Variants in MCTP1 observed in about 807,000 individuals in gnomAD.
MCTP1 encodes multiple C2 and transmembrane domain containing 1, also known as multiple C2 and transmembrane domain-containing protein 1.
A neutral mutation model predicts 120.6 loss-of-function variants in MCTP1; 69 were observed. The observed-to-expected ratio is 0.57, with a 90% CI of 0.47 to 0.70. The LOEUF (loss-of-function observed/expected upper bound fraction) is 0.70, where lower values mean the gene tolerates loss of function less well. Ranked by LOEUF, MCTP1 falls within the 30% of genes least tolerant of loss-of-function variation. The pLI, the probability that MCTP1 is intolerant of heterozygous loss-of-function variation, is 0.00. For missense variants in MCTP1, 1,203 were observed against 1,248.8 expected, an observed-to-expected ratio of 0.96 and a Z score of 0.55; for synonymous variants, 529 against 493.1, an observed-to-expected ratio of 1.07 and a Z score of -0.96.
chr5:94,883,150 A>T (rs1047697362), intron 12 of MCTP1, among the ~76,000 whole-genome samples: 1 of 152,190 alleles, frequency 6.6e-6, no homozygotes, highest in Non-Finnish European at 1.5e-5. Context: ...TTATTTGTTT[A>T]GGCTCATTCT....
chr5:95,035,398 T>A (rs1234536837), intron 1 of MCTP1, among the ~76,000 whole-genome samples: 3 of 152,030 alleles, frequency 2.0e-5, no homozygotes, highest in African/African-American at 7.2e-5. Flanking sequence ...ATAAAAAGAA[T>A]GAAACCATGT....
chr5:95,013,297 C>T (rs1836398086), intron 2 of MCTP1, among the ~76,000 whole-genome samples: 1 of 152,082 alleles, frequency 6.6e-6, no homozygotes, highest in African/African-American at 2.4e-5. Context: ...GAGCAAGGAG[C>T]TGCCACAAGT....
chr5:94,970,985 G>C (rs933329181), intron 2 of MCTP1, among the ~76,000 whole-genome samples: 6 of 151,868 alleles, frequency 4.0e-5, no homozygotes, highest in Admixed American at 2.6e-4. Context: ...GTCACACTGG[G>C]TATTATTAAT....
intron 1 of MCTP1, among the ~76,000 whole-genome samples, chr5:95,180,698 A>G (rs116950648): frequency 6.6e-6 from 1 of 152,112 alleles, no homozygotes; most frequent in East Asian, 1.9e-4. Flanking sequence ...TTATATATCA[A>G]TGACTCCCAA....
chr5:95,282,651 C>T (rs1234042644), intron 1 of MCTP1, among the ~76,000 whole-genome samples: 1 of 152,186 alleles, frequency 6.6e-6, no homozygotes, highest in Non-Finnish European at 1.5e-5. Context: ...ACTATTATCT[C>T]TACTTACTCT....
intron 1 of MCTP1, among the ~76,000 whole-genome samples, chr5:95,132,914 C>T (rs1445109457): frequency 1.3e-5 from 2 of 152,170 alleles, no homozygotes; most frequent in Non-Finnish European, 2.9e-5. Flanking sequence ...GTTCCTAGTG[C>T]TGACCCCTCG....
chr5:94,851,237 A>T (rs1228852826), intron 17 of MCTP1, among the ~76,000 whole-genome samples: 1 of 152,126 alleles, frequency 6.6e-6, no homozygotes, highest in Non-Finnish European at 1.5e-5. Context: ...CTTCAATTAT[A>T]AAGAAATTCC....
intron 1 of MCTP1, among the ~76,000 whole-genome samples, chr5:95,067,731 T>C (rs1751044006): frequency 6.6e-6 from 1 of 152,198 alleles, no homozygotes; most frequent in Non-Finnish European, 1.5e-5. Flanking sequence ...TTGATCTACA[T>C]ATACACTGTG....
intron 2 of MCTP1, among the ~76,000 whole-genome samples, chr5:95,003,244 T>C (rs2153639482): frequency 6.6e-6 from 1 of 152,306 alleles, no homozygotes; most frequent in South Asian, 2.1e-4. Context: ...GTACCATTTT[T>C]TATCTTTTAT....
intron 2 of MCTP1, among the ~76,000 whole-genome samples, chr5:95,013,876 G>T (rs1836538256): frequency 6.6e-6 from 1 of 152,008 alleles, no homozygotes; most frequent in African/African-American, 2.4e-5. Flanking sequence ...ATTCTGTAAG[G>T]CTATAGCTGC....
rs182974807 is a variant in MCTP1 at position 94,762,502 on chromosome 5, T to C, written c.2610+16608A>G. 4.5e-4 allele frequency among the ~76,000 whole-genome samples: 68 copies of C among 152,318 alleles called. No individual in the cohort carries two copies. In the South Asian group the frequency reaches 0.01, roughly 23 times the overall value. On this transcript the variant is annotated intron_variant, in intron 19 of 22. Coordinates refer to ENST00000515393, the MANE Select transcript of MCTP1 (RefSeq NM_024717.7). ...CTGAATGGGTAAAAGATACTCTGTA[T>C]GGACCTGTGGCCATCATTTTTCCAA...
intron 2 of MCTP1, among the ~76,000 whole-genome samples, chr5:94,960,611 T>C (rs944152758): frequency 6.6e-6 from 1 of 152,066 alleles, no homozygotes; most frequent in Non-Finnish European, 1.5e-5. Flanking sequence ...GCAAAGGATA[T>C]GAACAGATAC....
chr5:95,053,782 A>G (rs998907429), intron 1 of MCTP1, among the ~76,000 whole-genome samples: 5 of 152,206 alleles, frequency 3.3e-5, no homozygotes, highest in Admixed American at 2.0e-4. Flanking sequence ...CGACCTCCAC[A>G]ACTCAGAAGA....
At chr5:94,976,906 CTAAGA>C (rs1828236236) in intron 2 of MCTP1, 1 of 152,004 alleles carries the variant, frequency 6.6e-6, no homozygotes, top group African/African-American at 2.4e-5. Context: ...AGACTTTTTT[CTAAGA>C]TAAGGAACAC....
chr5:94,909,516 A>G (rs1028614203), intron 9 of MCTP1, 135 bp from the exon 10 acceptor site: 6 of 809,062 alleles, frequency 7.4e-6, no homozygotes, highest in Non-Finnish European at 1.1e-5. Flanking sequence ...AAAAGATTAC[A>G]GAAATAATGG....
chr5:94,958,177 A>G (rs1282451167), intron 2 of MCTP1, among the ~76,000 whole-genome samples: 1 of 152,216 alleles, frequency 6.6e-6, no homozygotes, highest in Non-Finnish European at 1.5e-5. Context: ...AAATGAGTAA[A>G]TAACAAAATT....
chr5:94,891,953 A>G (rs558842298), intron 11 of MCTP1, among the ~76,000 whole-genome samples: 26 of 152,242 alleles, frequency 1.7e-4, no homozygotes, highest in African/African-American at 5.5e-4. Flanking sequence ...TTCAGCCCTC[A>G]ATAGATGGGA....
chr5:95,235,297 T>C (rs949834051), intron 1 of MCTP1, among the ~76,000 whole-genome samples: 2 of 151,464 alleles, frequency 1.3e-5, no homozygotes, highest in African/African-American at 2.4e-5. Flanking sequence ...ACCAAACAAA[T>C]AATAAAAAGA....
At chr5:94,791,960 C>T (rs939822797) in intron 18 of MCTP1, 1 of 152,582 alleles carries the variant, frequency 6.6e-6, no homozygotes, top group Admixed American at 6.5e-5. Context: ...GCCTACAAGT[C>T]TGCTGTGCCA....
Sources: allele counts gnomAD v4.1 joint callset (sites outside exome capture counted in the v4.1 genomes callset), GRCh38; gene constraint gnomAD v4.1.1; transcripts MANE v1.5; gene names NCBI Gene and HGNC (gene_info 2026-07-23, HGNC 2026-07-21).